SHC4: variants seen among roughly 807,000 people sequenced by gnomAD.
The protein encoded by SHC4 is SHC adaptor protein 4, also known as SHC-transforming protein 4.
In SHC4, 41 loss-of-function variants were observed where a neutral mutation model predicts 69.4. The observed-to-expected ratio is 0.59, with a 90% CI of 0.46 to 0.77. The LOEUF (loss-of-function observed/expected upper bound fraction) is 0.77. Ranked by LOEUF, SHC4 falls within the 30% of genes least tolerant of loss-of-function variation. SHC4 has a pLI of 0.00. For missense variants in SHC4, 777 were observed against 783.8 expected, an observed-to-expected ratio of 0.99 and a Z score of 0.10; for synonymous variants, 318 against 299.3, an observed-to-expected ratio of 1.06 and a Z score of -0.64.
In SHC4 at chr15:48,824,815, G is replaced by T. The variant is rs1373505801; in HGVS notation, c.*1156C>A. ...AAACAGATTCAGCAACTTGCTGAAG[G>T]TCACACTGGTAAGACTCAGCGTAAT... On this transcript the variant is annotated 3_prime_UTR_variant, in exon 12 of 12. Transcript: ENST00000332408. 6.6e-6 allele frequency: 1 copy of T among 152,592 alleles called. No homozygotes were observed. Among genetic ancestry groups the T allele is most frequent in the South Asian group, 2.1e-4 (1 of 4,822 alleles). The allele number at this position is 152,592 out of a possible 1,614,324, so 9.5% of individuals were successfully genotyped here.
intron 3 of SHC4, 29 bp from the exon 4 acceptor site, chr15:48,884,396 C>G (rs372545181): frequency 6.4e-6 from 10 of 1,552,552 alleles, no homozygotes; most frequent in Non-Finnish European, 7.8e-6. Flanking sequence ...AAAAACAAAA[C>G]ACTGTTAGGA....
At chr15:48,854,495 C>G (rs1899273832) in intron 8 of SHC4, among the ~76,000 whole-genome samples, 1 of 152,136 alleles carries the variant, frequency 6.6e-6, no homozygotes, top group Non-Finnish European at 1.5e-5. Flanking sequence ...ATGAATTGTT[C>G]TATCAAAAAG....
At chr15:48,871,550 G>C (rs1390668500) in intron 5 of SHC4, among the ~76,000 whole-genome samples, 2 of 152,198 alleles carry the variant, frequency 1.3e-5, no homozygotes, top group Non-Finnish European at 2.9e-5. Flanking sequence ...TTTCTGGGAA[G>C]TGAGTATCAC....
chr15:48,843,829 G>A (rs17382306), intron 9 of SHC4, among the ~76,000 whole-genome samples: 25,506 of 151,972 alleles, frequency 0.17, 2,374 homozygotes, highest in Middle Eastern at 0.21. Context: ...GACCAATTGC[G>A]TCAACAGCAG....
intron 1 of SHC4, among the ~76,000 whole-genome samples, chr15:48,949,096 G>A (rs2141038470): frequency 6.6e-6 from 1 of 152,210 alleles, no homozygotes; most frequent in Admixed American, 6.5e-5. Flanking sequence ...GGCTGGCCAG[G>A]CGCGGTGGCT....
intron 6 of SHC4, among the ~76,000 whole-genome samples, chr15:48,861,580 G>C (rs146081890): frequency 2.3e-4 from 35 of 152,254 alleles, no homozygotes; most frequent in Non-Finnish European, 4.1e-4. Context: ...TTCAGCTAAA[G>C]GGAAAGAAGA....
At position 48,962,437 on chromosome 15, in the gene SHC4, A is replaced by G; in HGVS notation, c.579T>C (p.Cys193=). The G allele has an allele frequency of 4.6e-6, 7 of 1,517,256 alleles. No individual in the cohort carries two copies. The highest frequency in any genetic ancestry group is 6.2e-6 in the Non-Finnish European group (7 of 1,133,728). The allele number at this position is 1,517,256 out of a possible 1,614,324, so 94.0% of individuals were successfully genotyped here. ...QHLLGMGMNY[C]VRYMGCVEVL... is the part of the protein sequence containing the mutation. ...GAGAGGAAAATGGACTTACCCTCAC[A>G]CAGTAGTTCATGCCCATCCCCAACA... The change falls in exon 1 of 12, where the codon TGT becomes TGC. Residue 193 remains cysteine, a synonymous_variant. Coordinates refer to ENST00000332408, the MANE Select transcript of SHC4 (RefSeq NM_203349.4).
chr15:48,867,930 T>C, intron 5 of SHC4, 61 bp from the exon 6 acceptor site: 1 of 1,414,718 alleles, frequency 7.1e-7, no homozygotes, highest in Non-Finnish European at 9.9e-7. Context: ...GAAAGAAACA[T>C]ATATTTTGGA....
At chr15:48,859,012 A>G (rs1323458824) in intron 6 of SHC4, among the ~76,000 whole-genome samples, 1 of 152,174 alleles carries the variant, frequency 6.6e-6, no homozygotes, top group Non-Finnish European at 1.5e-5. Context: ...ACTAAAAGGG[A>G]TATCTGAGGA....
At chr15:48,943,940 C>T (rs1901225321) in intron 1 of SHC4, among the ~76,000 whole-genome samples, 3 of 151,826 alleles carry the variant, frequency 2.0e-5, no homozygotes, top group Non-Finnish European at 4.4e-5. Context: ...AGTTTTTAAG[C>T]TGCGTACATT....
At chr15:48,851,333 A>G in intron 8 of SHC4, 85 bp from the exon 9 acceptor site, 2 of 1,242,262 alleles carry the variant, frequency 1.6e-6, no homozygotes, top group South Asian at 2.6e-5. Flanking sequence ...TAATCCCAGA[A>G]GAATATAGCA....
intron 4 of SHC4, among the ~76,000 whole-genome samples, chr15:48,882,622 A>G (rs1287458804): frequency 1.3e-5 from 2 of 152,144 alleles, no homozygotes; most frequent in African/African-American, 4.8e-5. Context: ...CACCCCACAG[A>G]AAGGGCCATC....
At position 48,917,115 on chromosome 15, in the gene SHC4, G is replaced by C. The variant is rs377549472; in HGVS notation, c.656+7764C>G. Among the ~76,000 whole-genome samples the C allele has an allele frequency of 5.3e-5, 8 of 152,244 alleles. 1 individual carries two copies. The highest frequency in any genetic ancestry group is 1.9e-4 in the African/African-American group (8 of 41,542). On this transcript the variant is annotated intron_variant, in intron 2 of 11. Coordinates refer to ENST00000332408, the MANE Select transcript of SHC4 (RefSeq NM_203349.4). ...TATTCCTCCTTCAGCGTTTGATGCA[G>C]GTTCCCACCTAGACACAAAGAGGTA... is the stretch of plus-strand genomic sequence containing the variant.
At chr15:48,954,590 T>A (rs1901412843) in intron 1 of SHC4, among the ~76,000 whole-genome samples, 1 of 152,230 alleles carries the variant, frequency 6.6e-6, no homozygotes, top group African/African-American at 2.4e-5. Flanking sequence ...AGCAGGGGAC[T>A]AGCGGATAAA....
chr15:48,878,149 T>G (rs1396233700), intron 4 of SHC4: 16 of 1,519,328 alleles, frequency 1.1e-5, no homozygotes, highest in Non-Finnish European at 1.2e-5. Flanking sequence ...GCTGGAAGCT[T>G]TTTCCTAGAG....
At chr15:48,861,162 C>T (rs1821734963) in intron 6 of SHC4, among the ~76,000 whole-genome samples, 1 of 152,210 alleles carries the variant, frequency 6.6e-6, no homozygotes, top group South Asian at 2.1e-4. Flanking sequence ...AGGTGTCTCA[C>T]TACGTTGCTC....
At chr15:48,846,469 C>T (rs1478155195) in intron 9 of SHC4, among the ~76,000 whole-genome samples, 53 of 152,068 alleles carry the variant, frequency 3.5e-4, no homozygotes, top group Admixed American at 6.6e-5. Flanking sequence ...CAATATGCTC[C>T]CCCTCCTTTA....
chr15:48,876,843 C>A (rs1899810670), intron 4 of SHC4: 1 of 313,132 alleles, frequency 3.2e-6, no homozygotes, highest in Admixed American at 4.5e-5. Flanking sequence ...CCCTCACAGA[C>A]ACACCAATGA....
At chr15:48,894,684 T>A (rs561402769) in intron 2 of SHC4, among the ~76,000 whole-genome samples, 12 of 152,160 alleles carry the variant, frequency 7.9e-5, no homozygotes, top group Non-Finnish European at 4.4e-5. Context: ...AGATAAAAAA[T>A]CTTGAGCACG....
Sources: allele counts gnomAD v4.1 joint callset (sites outside exome capture counted in the v4.1 genomes callset), GRCh38; gene constraint gnomAD v4.1.1; transcripts MANE v1.5; gene names NCBI Gene and HGNC (gene_info 2026-07-23, HGNC 2026-07-21).